Variants in WNK1 observed in about 807,000 individuals in gnomAD.
WNK1 encodes the protein WNK lysine deficient protein kinase 1.
Under a neutral mutation model 222.8 loss-of-function variants are expected in WNK1, and 38 were observed. That is an observed-to-expected ratio of 0.17 (90% CI 0.13 to 0.22). WNK1 has a LOEUF of 0.22. Ranked by LOEUF, WNK1 falls within the 10% of genes least tolerant of loss-of-function variation. The pLI is 1.00. For synonymous variants in WNK1, 1,090 were observed against 1,092.9 expected (o/e 1.00, Z 0.05); for missense variants, 2,348 against 2,918.4 (o/e 0.80, Z 4.50).
At chr12:795,609 A>G (rs1945244348) in intron 1 of WNK1, among the ~76,000 whole-genome samples, 1 of 152,150 alleles carries the variant, frequency 6.6e-6, no homozygotes, top group South Asian at 2.1e-4. Context: ...AGCCACATAG[A>G]ACTGTGAGTA....
chr12:901,548 T>C, intron 26 of WNK1: 2 of 1,288,336 alleles, frequency 1.6e-6, no homozygotes, highest in South Asian at 1.2e-5. Context: ...ACCCTGTTTT[T>C]CCCCTCTCAC....
rs918468076 is a variant in WNK1, at chr12:805,924, GAAAA to G, written c.760-7712_760-7709del. On this transcript the variant is annotated intron_variant, in intron 1 of 27. Coordinates refer to ENST00000315939, the MANE Select transcript of WNK1 (RefSeq NM_018979.4). The stretch of plus-strand genomic sequence containing the variant: ...ATTCTTTTTTCTGAAATTTAAAGAA[GAAAA>G]AAAAATTCTTTTCGCCACCTCTGAT... 5.3e-5 allele frequency among the ~76,000 whole-genome samples: 8 copies of G among 151,062 alleles called. No individual in the cohort carries two copies. In the South Asian group the frequency reaches 1.5e-3, roughly 28 times the overall value.
At chr12:849,113 C>A (rs535823847) in intron 4 of WNK1, among the ~76,000 whole-genome samples, 72 of 152,330 alleles carry the variant, frequency 4.7e-4, no homozygotes, top group Non-Finnish European at 7.2e-4. Context: ...TGCTGCATTT[C>A]TGAGCAATAC....
At chr12:837,226 T>TA (rs1283128500) in intron 4 of WNK1, among the ~76,000 whole-genome samples, 2 of 152,222 alleles carry the variant, frequency 1.3e-5, no homozygotes, top group East Asian at 1.9e-4. Context: ...CTGGATTGGT[T>TA]ACAGCTTGCT....
At chr12:841,811 G>A (rs981533804) in intron 4 of WNK1, among the ~76,000 whole-genome samples, 3 of 152,084 alleles carry the variant, frequency 2.0e-5, no homozygotes, top group African/African-American at 7.2e-5. Flanking sequence ...GCTCCCTCCG[G>A]ACTCATATTA....
rs557506982 is a variant in WNK1, at chr12:879,456, T to G, written c.2374-117T>G. 3.0e-3 allele frequency: 1,795 copies of G among 595,496 alleles called. 64 individuals carry two copies. The East Asian group carries it at 0.04, about 13-fold the overall frequency. 36.9% of individuals were successfully genotyped at this position (595,496 alleles called of 1,614,324 possible). On this transcript the variant is annotated intron_variant, in intron 10 of 27. Coordinates refer to ENST00000315939, the MANE Select transcript of WNK1 (RefSeq NM_018979.4). ...TTTTGTTGGTTTGGTGTTTTTTTTT[T>G]TGTTTGTTTTTTCCTTCTTTTTGGC...
intron 26 of WNK1, among the ~76,000 whole-genome samples, chr12:904,868 T>G (rs1955568823): frequency 6.6e-6 from 1 of 152,184 alleles, no homozygotes; most frequent in African/African-American, 2.4e-5. Flanking sequence ...CCTCCCACGT[T>G]CACACTGAAG....
chr12:857,817 A>C (rs1284215028), intron 5 of WNK1, among the ~76,000 whole-genome samples: 6 of 152,212 alleles, frequency 3.9e-5, no homozygotes, highest in Non-Finnish European at 7.3e-5. Context: ...TCTGCCATGT[A>C]GCTGATTCAT....
chr12:780,748 A>G (rs1272337485), intron 1 of WNK1, among the ~76,000 whole-genome samples: 1 of 152,232 alleles, frequency 6.6e-6, no homozygotes, highest in Non-Finnish European at 1.5e-5. Flanking sequence ...GTTCTAATGC[A>G]AACTATAGAA....
At chr12:861,465 T>C (rs916997252) in intron 7 of WNK1, 122 bp downstream of exon 7, 4 of 872,074 alleles carry the variant, frequency 4.6e-6, no homozygotes, top group Non-Finnish European at 7.3e-6. Flanking sequence ...ATACAAAATT[T>C]GAAATGGTTG....
intron 22 of WNK1, among the ~76,000 whole-genome samples, chr12:894,356 T>A (rs1954554584): frequency 6.6e-6 from 1 of 152,230 alleles, no homozygotes; most frequent in African/African-American, 2.4e-5. Context: ...ATGTTAATGT[T>A]GTAGTTGGTA....
chr12:792,223 G>A (rs753471529), intron 1 of WNK1, among the ~76,000 whole-genome samples: 5 of 151,956 alleles, frequency 3.3e-5, no homozygotes, highest in Non-Finnish European at 7.4e-5. Flanking sequence ...AGGTATAAAG[G>A]TGATAGAGAG....
rs530005542 is a variant in WNK1, at chr12:837,572, T to TA, written c.1311+7432dup. ...CTGGGTGACAGAGTGAGACCCTGTC[T>TA]AAAAAAAAAAAAAAAAAAAAGAAAA... On this transcript the variant is annotated intron_variant, in intron 4 of 27. Coordinates refer to ENST00000315939, the MANE Select transcript of WNK1 (RefSeq NM_018979.4). Among the ~76,000 whole-genome samples the TA allele has an allele frequency of 6.5e-3, 809 of 123,624 alleles. 5 individuals are homozygous for TA. The highest frequency in any genetic ancestry group is 0.024 in the South Asian group (97 of 3,982). 81.1% of individuals were successfully genotyped at this position (123,624 alleles called of 152,430 possible).
intron 1 of WNK1, among the ~76,000 whole-genome samples, chr12:757,103 G>GTTGGA (rs1358313073): frequency 2.0e-5 from 3 of 151,228 alleles, no homozygotes; most frequent in Non-Finnish European, 4.4e-5. Flanking sequence ...GGAAGTGGCT[G>GTTGGA]TTGGATTTCT....
intron 4 of WNK1, 131 bp downstream of exon 4, chr12:830,291 G>T (rs72648632): frequency 1.9e-6 from 2 of 1,060,492 alleles, no homozygotes; most frequent in African/African-American, 1.6e-5. Flanking sequence ...GGGTTGGGGG[G>T]GTGGTGTTGA....
chr12:769,475 T>TA (rs1411313990), intron 1 of WNK1, among the ~76,000 whole-genome samples: 1 of 152,244 alleles, frequency 6.6e-6, no homozygotes, highest in East Asian at 1.9e-4. Context: ...GTGCTGGGAT[T>TA]ACAGGTGTGG....
In WNK1 at chr12:908,773, C is replaced by G; in HGVS notation, c.7130C>G (p.Ser2377Cys). 1 of 1,612,854 alleles carries G rather than the reference C, an allele frequency of 6.2e-7. No individual in the cohort carries two copies. The highest frequency in any genetic ancestry group is 8.5e-7 in the Non-Finnish European group (1 of 1,179,520). ...LQKSISNPPG[S>C]NLRTT The stretch of plus-strand genomic sequence containing the variant: ...AAATCCATCAGCAACCCCCCAGGCT[C>G]CAACCTGCGGACCACTTAGACCTAG... Residue 2377 changes from serine (S) to cysteine (C), a missense_variant, in exon 28 of 28, where the codon TCC becomes TGC. Transcript: ENST00000315939.
intron 1 of WNK1, among the ~76,000 whole-genome samples, chr12:813,116 C>T (rs180728567): frequency 1.9e-3 from 292 of 152,260 alleles, no homozygotes; most frequent in South Asian, 3.7e-3. Context: ...TGCCTGTAGT[C>T]CTAGCTACTC....
chr12:838,654 G>A (rs771176521), intron 4 of WNK1, among the ~76,000 whole-genome samples: 3 of 152,032 alleles, frequency 2.0e-5, no homozygotes, highest in South Asian at 2.1e-4. Flanking sequence ...CAGATCAAGC[G>A]GTCTGCCTGC....
Sources: gnomAD v4.1 joint callset for allele counts (sites outside exome capture counted in the v4.1 genomes callset) on GRCh38, gnomAD v4.1.1 for gene constraint, MANE v1.5 for transcripts, NCBI Gene and HGNC (gene_info 2026-07-23, HGNC 2026-07-21) for gene names.